Variants in DLD observed in about 807,000 individuals in gnomAD.
The protein encoded by DLD is dihydrolipoyl dehydrogenase, mitochondrial.
A neutral mutation model predicts 62.2 loss-of-function variants in DLD; 36 were observed. The ratio of observed to expected loss-of-function variants is 0.58; its 90% CI spans 0.44 to 0.76. The LOEUF (loss-of-function observed/expected upper bound fraction) is 0.76. Ranked by LOEUF, DLD falls within the 30% of genes least tolerant of loss-of-function variation. DLD has a pLI of 0.00. For synonymous variants in DLD, 204 were observed against 199.6 expected, an observed-to-expected ratio of 1.02 and a Z score of -0.19; for missense variants, 541 against 608.6, an observed-to-expected ratio of 0.89 and a Z score of 1.17.
At chr7:107,895,210 T>G (rs1269737276) in intron 2 of DLD, among the ~76,000 whole-genome samples, 1 of 152,226 alleles carries the variant, frequency 6.6e-6, no homozygotes, top group Non-Finnish European at 1.5e-5. Flanking sequence ...ATGGAAGAGT[T>G]AGGTTTTTTA....
At chr7:107,898,747 C>T (rs764703629) in intron 2 of DLD, among the ~76,000 whole-genome samples, 13 of 151,720 alleles carry the variant, frequency 8.6e-5, no homozygotes, top group East Asian at 1.9e-4. Context: ...CCTGCCACCA[C>T]GCCCGGCTAA....
intron 5 of DLD, among the ~76,000 whole-genome samples, chr7:107,904,008 C>T (rs2031942453): frequency 6.6e-6 from 1 of 152,194 alleles, no homozygotes; most frequent in Admixed American, 6.5e-5. Flanking sequence ...CATAACGTAT[C>T]TTGTCTCCTG....
At chr7:107,910,788 A>G (rs945883992) in intron 8 of DLD, among the ~76,000 whole-genome samples, 44 of 152,160 alleles carry the variant, frequency 2.9e-4, no homozygotes, top group African/African-American at 1.0e-3. Context: ...GGTAGATGCT[A>G]TTGAGTTTTC....
intron 11 of DLD, 82 bp downstream of exon 11, chr7:107,917,544 T>A: frequency 2.3e-6 from 3 of 1,301,568 alleles, no homozygotes; most frequent in Non-Finnish European, 3.3e-6. Flanking sequence ...CATTTTATCA[T>A]TATGCTAATA....
At position 107,916,827 on chromosome 7, in the gene DLD, T is replaced by A. The variant is rs1202288793; in HGVS notation, c.909T>A (p.Val303=). The change falls in exon 10 of 14, where the codon GTT becomes GTA. Residue 303 remains valine, a synonymous_variant. Coordinates refer to ENST00000205402, the MANE Select transcript of DLD (RefSeq NM_000108.5). ...IEAASGGKAE[V]ITCDVLLVCI... is the part of the protein sequence containing the mutation. ...CTGCTTCTGGTGGTAAAGCTGAAGT[T>A]ATCACTTGTGATGTACTCTTGGTTT... 1.2e-6 allele frequency: 2 copies of A among 1,613,378 alleles called. No individual in the cohort carries two copies. Among genetic ancestry groups the A allele is most frequent in the African/African-American group, 2.7e-5 (2 of 74,760 alleles).
chr7:107,892,295 T>C (rs1160567920), intron 1 of DLD, among the ~76,000 whole-genome samples: 4 of 152,224 alleles, frequency 2.6e-5, no homozygotes, highest in African/African-American at 7.2e-5. Context: ...GAGATTATGA[T>C]GCAATTTGTC....
Position 107,903,529 on chromosome 7 carries a change from G to T in DLD, c.319G>T (p.Ala107Ser), listed in dbSNP as rs765105905. ...YYHMAHGKDF[A>S]SRGIEMSEVR... The stretch of plus-strand genomic sequence containing the variant: ...CCATATGGCCCATGGAAAAGATTTT[G>T]CATCTAGAGGAATTGAAAGTAAGTA... The change falls in exon 5 of 14, where the codon GCA (alanine) becomes TCA (serine). Residue 107 changes from alanine (A) to serine (S), a missense_variant. Transcript: ENST00000205402. The T allele has an allele frequency of 6.3e-7, 1 of 1,594,624 alleles. No homozygotes were observed. The highest frequency in any genetic ancestry group is 2.2e-5 in the East Asian group (1 of 44,646).
At chr7:107,904,640 A>AT (rs1271078614) in intron 5 of DLD, 4 of 473,678 alleles carry the variant, frequency 8.4e-6, no homozygotes, top group Admixed American at 4.9e-5. Context: ...TTACTTTGTC[A>AT]TTTCTACTTA....
chr7:107,903,014 T>C (rs1013674126), intron 4 of DLD, among the ~76,000 whole-genome samples: 3 of 152,326 alleles, frequency 2.0e-5, no homozygotes, highest in African/African-American at 4.8e-5. Flanking sequence ...AGTGGTGTTA[T>C]GATTTATGAC....
intron 8 of DLD, among the ~76,000 whole-genome samples, chr7:107,909,737 T>G (rs560607021): frequency 8.3e-4 from 127 of 152,266 alleles, no homozygotes; most frequent in African/African-American, 2.9e-3. Context: ...CATATTTGCC[T>G]GTCTGCCACC....
intron 11 of DLD, 148 bp from the exon 12 acceptor site, chr7:107,917,776 C>T: frequency 1.0e-6 from 1 of 979,510 alleles, no homozygotes; most frequent in Non-Finnish European, 1.6e-6. Flanking sequence ...GTTCATTAAC[C>T]AGTCTTCTGG....
rs887747402 is a variant in DLD, at chr7:107,919,328, A to G, written c.*69A>G. ...TTTTGTAGAAGTCACATTCCTGAAC[A>G]GGATATTCTCACAGCTCCAAGAATT... On this transcript the variant is annotated 3_prime_UTR_variant, in exon 14 of 14. Coordinates refer to ENST00000205402, the MANE Select transcript of DLD (RefSeq NM_000108.5). The G allele has an allele frequency of 6.4e-6, 8 of 1,253,966 alleles. No individual in the cohort carries two copies. Among genetic ancestry groups the G allele is most frequent in the Non-Finnish European group, 9.1e-6 (8 of 875,028 alleles). The allele number at this position is 1,253,966 out of a possible 1,614,324, so 77.7% of individuals were successfully genotyped here.
Position 107,902,308 on chromosome 7 carries a change from G to A in DLD, c.199-17G>A, listed in dbSNP as rs2031895575. On this transcript the variant is annotated splice_polypyrimidine_tract_variant and intron_variant, in intron 3 of 13. Coordinates refer to ENST00000205402, the MANE Select transcript of DLD (RefSeq NM_000108.5). The stretch of plus-strand genomic sequence containing the variant: ...TTGAGGTTATGTGCAGTTAAATAAT[G>A]TTTTCTTTGGTTGTAGACAGTCTGC... The A allele has an allele frequency of 1.2e-6, 2 of 1,609,878 alleles. No individual in the cohort carries two copies. The highest frequency in any genetic ancestry group is 2.7e-5 in the African/African-American group (2 of 74,800).
At chr7:107,904,727 G>A in intron 5 of DLD, 3 of 606,222 alleles carry the variant, frequency 4.9e-6, no homozygotes, top group South Asian at 4.6e-5. Flanking sequence ...GTTTTATTTT[G>A]GACTGCCTTT....
Position 107,893,269 on chromosome 7 carries a change from G to A in DLD, c.109G>A (p.Asp37Asn). 1 of 1,612,328 alleles carries A rather than the reference G, an allele frequency of 6.2e-7. No homozygotes were observed. The highest frequency in any genetic ancestry group is 1.3e-5 in the African/African-American group (1 of 75,012). The change falls in exon 2 of 14, where the codon GAT becomes AAT. Residue 37 changes from aspartate (D) to asparagine (N), a missense_variant. By Grantham distance (23) the Asp-to-Asn change is conservative (BLOSUM62 1). Transcript: ENST00000205402. Reference sequence around the variant, plus strand: ...TGCAGTGCCTCTGAGAACTTACGCAGATCAGCCGAGTAAGTACTTAAGTAA... The same window carrying A: ...TGCAGTGCCTCTGAGAACTTACGCAAATCAGCCGAGTAAGTACTTAAGTAA... ...LSAVPLRTYA[D>N]QPIDADVTVI... is the part of the protein sequence containing the mutation.
chr7:107,903,579 C>G, intron 5 of DLD, 32 bp downstream of exon 5: 1 of 1,330,818 alleles, frequency 7.5e-7, no homozygotes, highest in Non-Finnish European at 1.1e-6. Context: ...AATGATATTA[C>G]CAGACTGCTT....
intron 2 of DLD, among the ~76,000 whole-genome samples, chr7:107,899,133 C>T (rs1046057110): frequency 2.7e-4 from 41 of 152,098 alleles, no homozygotes; most frequent in African/African-American, 9.9e-4. Flanking sequence ...TGTGCTCATT[C>T]GTTTATCCAT....
At chr7:107,894,426 A>G (rs963469063) in intron 2 of DLD, among the ~76,000 whole-genome samples, 5 of 152,160 alleles carry the variant, frequency 3.3e-5, no homozygotes, top group Non-Finnish European at 5.9e-5. Flanking sequence ...TAGGGGGAGG[A>G]TTCTAGTAAC....
rs1200103024 is a variant in DLD at position 107,920,150 on chromosome 7, A to G, written c.*891A>G. ...TTTAGATACACCTACTAAATGTTTA[A>G]TATATACTTTTGGAGAAGTACAACA... On this transcript the variant is annotated 3_prime_UTR_variant, in exon 14 of 14. Transcript: ENST00000205402. 4 of 152,286 alleles carry G rather than the reference A, an allele frequency of 2.6e-5. No individual in the cohort carries two copies. The South Asian group carries it at 8.3e-4, about 32-fold the overall frequency. 9.4% of individuals were successfully genotyped at this position (152,286 alleles called of 1,614,324 possible).
Sources: allele counts gnomAD v4.1 joint callset (sites outside exome capture counted in the v4.1 genomes callset), GRCh38; gene constraint gnomAD v4.1.1; transcripts MANE v1.5; gene names NCBI Gene and HGNC (gene_info 2026-07-23, HGNC 2026-07-21).